CCDC138: variants seen among roughly 807,000 people sequenced by gnomAD.
The protein encoded by CCDC138 is coiled-coil domain containing 138, also known as coiled-coil domain-containing protein 138.
A neutral mutation model predicts 82.3 loss-of-function variants in CCDC138; 66 were observed. The ratio of observed to expected loss-of-function variants is 0.80; its 90% CI spans 0.66 to 0.98. The LOEUF (loss-of-function observed/expected upper bound fraction) is 0.98, where lower values mean the gene tolerates loss of function less well. Among genes scored for constraint, CCDC138 ranks in the 50% least tolerant of loss-of-function variants. CCDC138 has a pLI of 0.00. For missense variants in CCDC138, 816 were observed against 758.9 expected (o/e 1.08, Z -0.88); for synonymous variants, 297 against 265.4 (o/e 1.12, Z -1.16).
chr2:108,858,385 CTTG>C lies in CCDC138; in HGVS notation c.1693+1421_1693+1423del, dbSNP rs1283709394. 5.9e-5 allele frequency among the ~76,000 whole-genome samples: 9 copies of C among 152,160 alleles called. No homozygotes were observed. The South Asian group carries it at 1.5e-3, about 25-fold the overall frequency. The stretch of plus-strand genomic sequence containing the variant: ...ACAAAAAAAACACCAACGCTGTGCC[CTTG>C]TTGTTCAAATCAAGTAAATAAGCAG... On this transcript the variant is annotated intron_variant, in intron 13 of 14. Coordinates refer to ENST00000295124, the MANE Select transcript of CCDC138 (RefSeq NM_144978.3).
chr2:108,817,855 G>T (rs1037396208), intron 10 of CCDC138, among the ~76,000 whole-genome samples: 2 of 152,162 alleles, frequency 1.3e-5, no homozygotes, highest in Admixed American at 1.3e-4. Context: ...TGTGGTATTT[G>T]TTACGGCAGC....
chr2:108,839,338 T>C, intron 11 of CCDC138, 37 bp downstream of exon 11: 2 of 1,532,924 alleles, frequency 1.3e-6, no homozygotes, highest in Non-Finnish European at 8.9e-7. Flanking sequence ...TAAGTAATAC[T>C]CCACCTAATA....
At chr2:108,826,821 G>C (rs998703166) in intron 10 of CCDC138, among the ~76,000 whole-genome samples, 1 of 152,170 alleles carries the variant, frequency 6.6e-6, no homozygotes, top group East Asian at 1.9e-4. Flanking sequence ...TGAATCTGTG[G>C]ATTAATTTGA....
intron 13 of CCDC138, among the ~76,000 whole-genome samples, chr2:108,871,035 C>T (rs75086385): frequency 0.027 from 4,089 of 151,818 alleles, 172 homozygotes; most frequent in African/African-American, 0.094. Context: ...TGAAATGAAC[C>T]TCATTATTTA....
At chr2:108,814,264 T>G (rs1684372686) in intron 9 of CCDC138, among the ~76,000 whole-genome samples, 1 of 152,220 alleles carries the variant, frequency 6.6e-6, no homozygotes, top group African/African-American at 2.4e-5. Flanking sequence ...CTCCACAACC[T>G]TGTCAACATT....
intron 13 of CCDC138, 132 bp from the exon 14 acceptor site, chr2:108,873,319 A>G: frequency 1.2e-6 from 1 of 835,286 alleles, no homozygotes; most frequent in Non-Finnish European, 1.7e-6. Context: ...TTCACTCAAA[A>G]ATTTAAGTAT....
chr2:108,790,534 T>G (rs904227063), intron 3 of CCDC138, among the ~76,000 whole-genome samples: 5 of 152,014 alleles, frequency 3.3e-5, no homozygotes, highest in African/African-American at 9.7e-5. Flanking sequence ...TTTCTAAGAC[T>G]TAGCATAGAT....
chr2:108,860,136 T>C (rs1481744425), intron 13 of CCDC138, among the ~76,000 whole-genome samples: 1 of 152,136 alleles, frequency 6.6e-6, no homozygotes. Flanking sequence ...GCTTCTGATT[T>C]TTTTTTTTCT....
At chr2:108,858,124 A>T (rs898864930) in intron 13 of CCDC138, among the ~76,000 whole-genome samples, 1 of 152,194 alleles carries the variant, frequency 6.6e-6, no homozygotes, top group Admixed American at 6.5e-5. Context: ...CGGGCAGATC[A>T]CTGGAGATCA....
rs1162499091 is a variant in CCDC138, at chr2:108,861,430, T to C, written c.1693+4460T>C. ...GACATTAGGTTGTTAATTTGATATT[T>C]TTCTTTTTTTATGTAGACATTTAGC... On this transcript the variant is annotated intron_variant, in intron 13 of 14. Coordinates refer to ENST00000295124, the MANE Select transcript of CCDC138 (RefSeq NM_144978.3). Among the ~76,000 whole-genome samples the C allele has an allele frequency of 2.0e-5, 3 of 151,926 alleles. No homozygotes were observed. The East Asian group carries it at 5.8e-4, about 29-fold the overall frequency.
intron 6 of CCDC138, among the ~76,000 whole-genome samples, chr2:108,802,438 G>A (rs1466190362): frequency 5.6e-5 from 8 of 142,062 alleles, no homozygotes; most frequent in African/African-American, 8.6e-5. Context: ...TTTGTCTGTT[G>A]TTGGTGTATA....
chr2:108,794,541 T>C lies in CCDC138; in HGVS notation c.396T>C (p.Val132=). The C allele has an allele frequency of 1.9e-6, 3 of 1,595,146 alleles. No homozygotes were observed. Among genetic ancestry groups the C allele is most frequent in the Non-Finnish European group, 2.6e-6 (3 of 1,170,570 alleles). The stretch of plus-strand genomic sequence containing the variant: ...ATGCAAATGTTATTTTCTTTGCAGT[T>C]GCCTTGCCAACTAATACGACCTCAT... ...TKQSFKEIEK[V]ALPTNTTSSR... Residue 132 remains valine, a splice_region_variant and synonymous_variant, in exon 5 of 15, where the codon GTT becomes GTC. Coordinates refer to ENST00000295124, the MANE Select transcript of CCDC138 (RefSeq NM_144978.3).
At position 108,876,075 on chromosome 2, in the gene CCDC138, A is replaced by AT. The variant is rs771703848; in HGVS notation, c.1833-5dup. 87 of 1,526,450 alleles carry AT rather than the reference A, an allele frequency of 5.7e-5. No individual in the cohort carries two copies. The highest frequency in any genetic ancestry group is 1.8e-4 in the Middle Eastern group (1 of 5,590). The allele number at this position is 1,526,450 out of a possible 1,614,324, so 94.6% of individuals were successfully genotyped here. A position where few individuals can be genotyped will look rare whatever the true frequency, so the allele number is the denominator to read the frequency against. On this transcript the variant is annotated splice_polypyrimidine_tract_variant and intron_variant, in intron 14 of 14. Coordinates refer to ENST00000295124, the MANE Select transcript of CCDC138 (RefSeq NM_144978.3). ...GTATGTGTAATTAAATAATGTATTC[A>AT]TTTTTTTTACAGGAGTAATAAGAAG...
In CCDC138 at chr2:108,812,929, T is replaced by A. The variant is rs753648849; in HGVS notation, c.1041+2T>A. ...GCACCAGTTTCAAAAACTTACAAGG[T>A]AAGTTTGAATTATGATTTGATATGA... On this transcript the variant is annotated splice_donor_variant, in intron 9 of 14. Coordinates refer to ENST00000295124, the MANE Select transcript of CCDC138 (RefSeq NM_144978.3). LOFTEE classifies it high-confidence loss of function. The A allele has an allele frequency of 6.2e-7, 1 of 1,612,574 alleles. No homozygotes were observed. The highest frequency in any genetic ancestry group is 8.5e-7 in the Non-Finnish European group (1 of 1,179,166).
At chr2:108,868,392 T>C (rs1694742522) in intron 13 of CCDC138, among the ~76,000 whole-genome samples, 1 of 152,198 alleles carries the variant, frequency 6.6e-6, no homozygotes, top group Admixed American at 6.5e-5. Flanking sequence ...GCTTATTAAC[T>C]ATAAATTTAT....
intron 7 of CCDC138, among the ~76,000 whole-genome samples, chr2:108,808,209 GTTATA>G: frequency 6.6e-6 from 1 of 152,158 alleles, no homozygotes; most frequent in South Asian, 2.1e-4. Context: ...AGAAAATGTG[GTTATA>G]AAGAAAATGT....
chr2:108,853,982 TAATATATAATAAATTTATATTATATATA>T (rs1692104650), intron 12 of CCDC138, among the ~76,000 whole-genome samples: 1 of 9,438 alleles, frequency 1.1e-4, no homozygotes, highest in Non-Finnish European at 3.7e-4. Flanking sequence ...ATATAATATA[TAATATATAATAAATTTATATTATATATA>T]ATATATAATA....
At chr2:108,865,566 C>T (rs763689792) in intron 13 of CCDC138, among the ~76,000 whole-genome samples, 9 of 152,210 alleles carry the variant, frequency 5.9e-5, no homozygotes, top group Non-Finnish European at 1.2e-4. Flanking sequence ...CCAATCAGCC[C>T]TGACAGAAAT....
intron 12 of CCDC138, among the ~76,000 whole-genome samples, chr2:108,854,751 G>A (rs1433302760): frequency 6.6e-6 from 1 of 152,080 alleles, no homozygotes; most frequent in Non-Finnish European, 1.5e-5. Context: ...CTCTCCAGGG[G>A]CCTGTTTATA....
Sources: allele counts gnomAD v4.1 joint callset (sites outside exome capture counted in the v4.1 genomes callset), GRCh38; gene constraint gnomAD v4.1.1; transcripts MANE v1.5; gene names NCBI Gene and HGNC (gene_info 2026-07-23, HGNC 2026-07-21).